The following MAPRE2 variants were observed in gnomAD, a reference collection of about 807,000 sequenced individuals.
MAPRE2 encodes microtubule-associated protein RP/EB family member 2.
A neutral mutation model predicts 43.2 loss-of-function variants in MAPRE2; 13 were observed. The ratio of observed to expected loss-of-function variants is 0.30; its 90% CI spans 0.20 to 0.48. The LOEUF (loss-of-function observed/expected upper bound fraction) is 0.48, where lower values mean the gene tolerates loss of function less well. Among genes scored for constraint, MAPRE2 ranks in the 20% least tolerant of loss-of-function variants. MAPRE2 has a pLI of 0.99. For synonymous variants in MAPRE2, 135 were observed against 148.8 expected, an observed-to-expected ratio of 0.91 and a Z score of 0.68; for missense variants, 161 against 400.2, an observed-to-expected ratio of 0.40 and a Z score of 5.10.
chr18:35,048,249 C>T (rs565494934), intron 1 of MAPRE2, among the ~76,000 whole-genome samples: 64 of 152,216 alleles, frequency 4.2e-4, no homozygotes, highest in Non-Finnish European at 8.4e-4. Flanking sequence ...AGAAGTCACT[C>T]AGTGTCATGA....
chr18:35,129,815 G>A (rs1259346545), intron 5 of MAPRE2, among the ~76,000 whole-genome samples: 3 of 152,218 alleles, frequency 2.0e-5, no homozygotes, highest in African/African-American at 7.2e-5. Context: ...CATTTTCTAA[G>A]ATCATCTACA....
intron 2 of MAPRE2, among the ~76,000 whole-genome samples, chr18:35,016,893 A>C (rs1033714069): frequency 1.3e-5 from 2 of 151,988 alleles, no homozygotes; most frequent in African/African-American, 4.8e-5. Context: ...CAATGTCCAG[A>C]ATGGTGTTTC....
intron 1 of MAPRE2, chr18:34,978,358 T>C: frequency 1.4e-6 from 1 of 706,750 alleles, no homozygotes; most frequent in South Asian, 1.7e-5. Flanking sequence ...AGAACTTCCT[T>C]GATTAGCATA....
intron 1 of MAPRE2, among the ~76,000 whole-genome samples, chr18:35,003,923 A>G (rs1018952075): frequency 1.3e-5 from 2 of 152,238 alleles, no homozygotes. Flanking sequence ...AAGGAAATTC[A>G]ACTTATTGTA....
intron 2 of MAPRE2, among the ~76,000 whole-genome samples, chr18:35,075,337 G>A (rs954643027): frequency 6.6e-6 from 1 of 152,172 alleles, no homozygotes; most frequent in Non-Finnish European, 1.5e-5. Flanking sequence ...TGTTAGATAG[G>A]TTGATCCCAG....
At chr18:35,049,583 G>A (rs1476036941) in intron 1 of MAPRE2, among the ~76,000 whole-genome samples, 1 of 152,132 alleles carries the variant, frequency 6.6e-6, no homozygotes, top group Non-Finnish European at 1.5e-5. Context: ...GACAGTGGGC[G>A]AGAGTACGTG....
intron 1 of MAPRE2, among the ~76,000 whole-genome samples, chr18:35,060,263 A>G (rs569592552): frequency 6.6e-6 from 1 of 152,246 alleles, no homozygotes; most frequent in Non-Finnish European, 1.5e-5. Flanking sequence ...GCATATGGTC[A>G]AGAAGGAGTG....
chr18:35,022,457 A>T (rs1387340938), intron 2 of MAPRE2, among the ~76,000 whole-genome samples: 1 of 152,292 alleles, frequency 6.6e-6, no homozygotes, highest in East Asian at 1.9e-4. Flanking sequence ...AAGCTCTAGA[A>T]AAAAATATAT....
At chr18:34,981,191 T>C (rs2097016021) in intron 1 of MAPRE2, among the ~76,000 whole-genome samples, 1 of 151,572 alleles carries the variant, frequency 6.6e-6, no homozygotes. Flanking sequence ...TGGCCAAACA[T>C]GGTGAAATCC....
At chr18:35,132,710 TTGCTATTCACAAGTGC>T (rs901148757) in intron 6 of MAPRE2, among the ~76,000 whole-genome samples, 50 of 152,186 alleles carry the variant, frequency 3.3e-4, no homozygotes, top group South Asian at 1.0e-3. Flanking sequence ...GCCACCAGAG[TTGCTATTCACAAGTGC>T]TGCTATTCAC....
intron 1 of MAPRE2, among the ~76,000 whole-genome samples, chr18:34,990,984 G>T (rs74414617): frequency 2.1e-3 from 317 of 152,240 alleles, no homozygotes; most frequent in Admixed American, 3.8e-3. Flanking sequence ...TAATCTGATG[G>T]GGGGAGGATC....
At chr18:35,119,086 C>G (rs940424972) in intron 4 of MAPRE2, among the ~76,000 whole-genome samples, 1 of 152,178 alleles carries the variant, frequency 6.6e-6, no homozygotes, top group South Asian at 2.1e-4. Flanking sequence ...TTTTGAGCCC[C>G]GGTGACCCCA....
At chr18:35,098,765 T>C (rs1908541152) in intron 3 of MAPRE2, among the ~76,000 whole-genome samples, 1 of 152,232 alleles carries the variant, frequency 6.6e-6, no homozygotes, top group Non-Finnish European at 1.5e-5. Flanking sequence ...CCTTTTCATA[T>C]GTTTATTGAT....
At chr18:35,072,220 G>A (rs1403773466) in intron 2 of MAPRE2, among the ~76,000 whole-genome samples, 1 of 152,178 alleles carries the variant, frequency 6.6e-6, no homozygotes, top group Admixed American at 6.5e-5. Flanking sequence ...TCACTTTGTT[G>A]ATAACACATA....
At chr18:35,010,773 T>C (rs140951380) in intron 2 of MAPRE2, among the ~76,000 whole-genome samples, 10 of 152,318 alleles carry the variant, frequency 6.6e-5, no homozygotes, top group Non-Finnish European at 1.3e-4. Context: ...ACATGTTCTA[T>C]GGATGTGTTG....
intron 1 of MAPRE2, among the ~76,000 whole-genome samples, chr18:35,000,087 A>G (rs1271969169): frequency 6.6e-6 from 1 of 152,090 alleles, no homozygotes; most frequent in Non-Finnish European, 1.5e-5. Context: ...ACACTAAAGA[A>G]TGTGATCTAC....
chr18:35,070,094 A>G, intron 1 of MAPRE2, 101 bp from the exon 2 acceptor site: 3 of 920,348 alleles, frequency 3.3e-6, no homozygotes, highest in Non-Finnish European at 4.8e-6. Flanking sequence ...CAGGACTTTT[A>G]CATGCCCTGG....
At chr18:35,140,060 A>G (rs569095534) in intron 6 of MAPRE2, among the ~76,000 whole-genome samples, 7 of 152,286 alleles carry the variant, frequency 4.6e-5, no homozygotes, top group Middle Eastern at 3.4e-3. Flanking sequence ...CTAAAGCCTG[A>G]CGACTGTGCT....
At chr18:34,985,604 G>T (rs1679369217) in intron 1 of MAPRE2, among the ~76,000 whole-genome samples, 1 of 74,998 alleles carries the variant, frequency 1.3e-5, no homozygotes, top group African/African-American at 5.4e-5. Context: ...TATAACATAT[G>T]ATATATTATA....
Sources: allele counts gnomAD v4.1 joint callset (sites outside exome capture counted in the v4.1 genomes callset), GRCh38; gene constraint gnomAD v4.1.1; transcripts MANE v1.5; gene names NCBI Gene and HGNC (gene_info 2026-07-23, HGNC 2026-07-21).